Variants in SYT1 observed in about 807,000 individuals in gnomAD.
SYT1 encodes synaptotagmin-1.
SYT1 carries 8 observed loss-of-function variants against 44.8 expected under a neutral mutation model. That is an observed-to-expected ratio of 0.18 (90% CI 0.10 to 0.32). The LOEUF (loss-of-function observed/expected upper bound fraction) is 0.32. Ranked by LOEUF, SYT1 falls within the 10% of genes least tolerant of loss-of-function variation. The pLI is 1.00. For missense variants in SYT1, 286 were observed against 509.3 expected, an observed-to-expected ratio of 0.56 and a Z score of 4.22; for synonymous variants, 154 against 188.8, an observed-to-expected ratio of 0.82 and a Z score of 1.51.
At chr12:79,299,151 A>G (rs1430412483) in intron 7 of SYT1, among the ~76,000 whole-genome samples, 1 of 152,154 alleles carries the variant, frequency 6.6e-6, no homozygotes, top group African/African-American at 2.4e-5. Flanking sequence ...TAATGCTAAC[A>G]GCTTCTAGAA....
intron 4 of SYT1, among the ~76,000 whole-genome samples, chr12:79,221,438 TATTA>T (rs1485442710): frequency 3.3e-5 from 5 of 152,246 alleles, no homozygotes; most frequent in African/African-American, 1.2e-4. Flanking sequence ...ACTGCCATAT[TATTA>T]ATTGTTTTGT....
At chr12:78,958,763 T>G (rs1359719968) in intron 1 of SYT1, among the ~76,000 whole-genome samples, 1 of 152,054 alleles carries the variant, frequency 6.6e-6, no homozygotes, top group Non-Finnish European at 1.5e-5. Context: ...CAGCTGTAAT[T>G]TGAAATAAAG....
rs564010546 is a variant in SYT1, at chr12:79,090,058, AC to A, written c.-18+42697del. ...TAGTGAGATGGAAAAATAGCCTAAAACTATGTCTACTTTTTCCTGAGACTTG... is the reference window on the plus strand; with the variant it reads ...TAGTGAGATGGAAAAATAGCCTAAAATATGTCTACTTTTTCCTGAGACTTG... On this transcript the variant is annotated intron_variant, in intron 3 of 10. Transcript: ENST00000261205. Among the ~76,000 whole-genome samples, 6 of 151,982 alleles carry A rather than the reference AC, an allele frequency of 3.9e-5. 2 individuals carry two copies. In the South Asian group the frequency reaches 1.2e-3, roughly 31 times the overall value.
intron 1 of SYT1, among the ~76,000 whole-genome samples, chr12:78,922,483 T>C (rs1300853457): frequency 1.3e-5 from 2 of 151,832 alleles, no homozygotes; most frequent in East Asian, 3.9e-4. Context: ...ATTTATTTAT[T>C]TGGAAAATTA....
intron 4 of SYT1, among the ~76,000 whole-genome samples, chr12:79,235,438 T>C (rs1208657891): frequency 6.6e-6 from 1 of 151,968 alleles, no homozygotes; most frequent in Non-Finnish European, 1.5e-5. Context: ...GACCTTGATA[T>C]AGACAAAGAT....
chr12:79,115,182 T>C (rs1367963193), intron 3 of SYT1, among the ~76,000 whole-genome samples: 4 of 152,146 alleles, frequency 2.6e-5, no homozygotes, highest in African/African-American at 9.7e-5. Context: ...TATTAGAATA[T>C]CATAAAATTA....
At position 79,066,245 on chromosome 12, in the gene SYT1, G is replaced by A. The variant is rs549016131; in HGVS notation, c.-18+18883G>A. On this transcript the variant is annotated intron_variant, in intron 3 of 10. Transcript: ENST00000261205. ...AAAGAATACATTTTACCAGAAGCAGGGTAAACACCACATAGGATAGTAGCA... is the reference window on the plus strand; with the variant it reads ...AAAGAATACATTTTACCAGAAGCAGAGTAAACACCACATAGGATAGTAGCA... Among the ~76,000 whole-genome samples, 5 of 152,164 alleles carry A rather than the reference G, an allele frequency of 3.3e-5. No homozygotes were observed. The South Asian group carries it at 1.0e-3, about 32-fold the overall frequency.
chr12:79,236,128 G>A (rs1464439182), intron 4 of SYT1, among the ~76,000 whole-genome samples: 2 of 152,120 alleles, frequency 1.3e-5, no homozygotes, highest in Non-Finnish European at 2.9e-5. Context: ...GAGTCTCTTA[G>A]GAGGTGTTCC....
At chr12:79,145,744 T>TG (rs1565825784) in intron 3 of SYT1, among the ~76,000 whole-genome samples, 12 of 131,664 alleles carry the variant, frequency 9.1e-5, no homozygotes, top group South Asian at 2.4e-4. Context: ...GTGGTTTTTT[T>TG]TTTTTTTTGT....
intron 2 of SYT1, among the ~76,000 whole-genome samples, chr12:79,036,298 T>A (rs917075064): frequency 3.3e-5 from 5 of 151,736 alleles, no homozygotes; most frequent in African/African-American, 1.2e-4. Flanking sequence ...GGAAAAAAAA[T>A]ACCTAAGGAA....
chr12:79,141,973 G>A (rs148203691), intron 3 of SYT1, among the ~76,000 whole-genome samples: 1 of 152,342 alleles, frequency 6.6e-6, no homozygotes, highest in Non-Finnish European at 1.5e-5. Flanking sequence ...TTGAGATGCA[G>A]AATTAGCATA....
At chr12:79,081,266 A>AT (rs1258073668) in intron 3 of SYT1, among the ~76,000 whole-genome samples, 1 of 152,190 alleles carries the variant, frequency 6.6e-6, no homozygotes, top group Non-Finnish European at 1.5e-5. Flanking sequence ...AGTAGGCCAT[A>AT]TACCTATGAA....
chr12:79,338,571 C>T (rs1394285951), intron 8 of SYT1, among the ~76,000 whole-genome samples: 1 of 151,976 alleles, frequency 6.6e-6, no homozygotes, highest in East Asian at 1.9e-4. Flanking sequence ...CCACACCTGA[C>T]CAACTAAAAT....
intron 5 of SYT1, among the ~76,000 whole-genome samples, chr12:79,291,214 T>C (rs1879564868): frequency 6.6e-6 from 1 of 152,238 alleles, no homozygotes; most frequent in Non-Finnish European, 1.5e-5. Flanking sequence ...TTGGTCAGAC[T>C]GAGTTTTGAG....
intron 4 of SYT1, among the ~76,000 whole-genome samples, chr12:79,236,758 T>TAA (rs1437310913): frequency 1.5e-4 from 23 of 152,186 alleles, no homozygotes; most frequent in African/African-American, 5.3e-4. Context: ...TAAAATAGAA[T>TAA]AAGCCATCAT....
chr12:78,977,020 C>CA (rs1365694314), intron 1 of SYT1, among the ~76,000 whole-genome samples: 1 of 149,664 alleles, frequency 6.7e-6, no homozygotes, highest in Non-Finnish European at 1.5e-5. Context: ...AGTTTTATAT[C>CA]AAAAAAGTAG....
At chr12:79,244,839 C>CT (rs202170891) in intron 4 of SYT1, among the ~76,000 whole-genome samples, 2,325 of 151,612 alleles carry the variant, frequency 0.015, 37 homozygotes, top group African/African-American at 0.038. Context: ...TTTTGAACGG[C>CT]TTTTTTTTAA....
Position 79,413,730 on chromosome 12 carries a change from T to A in SYT1, c.929-30343T>A, listed in dbSNP as rs554735670. ...TTCCTCATGGTCAAAAGCTAAATCA[T>A]AAATCAAGAATTAATGTAAGAGAAA... On this transcript the variant is annotated intron_variant, in intron 9 of 10. Transcript: ENST00000261205. Among the ~76,000 whole-genome samples the A allele has an allele frequency of 6.2e-4, 94 of 152,280 alleles. 1 individual carries two copies. Among genetic ancestry groups the A allele is most frequent in the African/African-American group, 2.2e-3 (91 of 41,572 alleles).
At chr12:79,018,169 A>C (rs7953074) in intron 2 of SYT1, among the ~76,000 whole-genome samples, 10,976 of 151,784 alleles carry the variant, frequency 0.072, 487 homozygotes, top group East Asian at 0.15. Context: ...CAGCCATAAA[A>C]AATGATGAGT....
Sources: allele counts gnomAD v4.1 joint callset (sites outside exome capture counted in the v4.1 genomes callset), GRCh38; gene constraint gnomAD v4.1.1; transcripts MANE v1.5; gene names NCBI Gene and HGNC (gene_info 2026-07-23, HGNC 2026-07-21).